Variants in NRP1 observed in about 807,000 individuals in gnomAD.
NRP1 encodes the protein neuropilin-1.
In NRP1, 35 loss-of-function variants were observed where a neutral mutation model predicts 106.7. That is an observed-to-expected ratio of 0.33 (90% CI 0.25 to 0.43). The LOEUF (loss-of-function observed/expected upper bound fraction) is 0.43. Among genes scored for constraint, NRP1 ranks in the 20% least tolerant of loss-of-function variants. NRP1 has a pLI of 1.00. For missense variants in NRP1, 1,024 were observed against 1,170.4 expected (o/e 0.87, Z 1.83); for synonymous variants, 437 against 417.9 (o/e 1.05, Z -0.56).
intron 2 of NRP1, among the ~76,000 whole-genome samples, chr10:33,280,983 A>G (rs1218559280): frequency 1.3e-5 from 2 of 151,850 alleles, no homozygotes; most frequent in East Asian, 3.9e-4. Flanking sequence ...AAGAAAAAAA[A>G]AAAAGACAAG....
chr10:33,334,414 G>A lies in NRP1; in HGVS notation c.-32C>T. 6.5e-7 allele frequency: 1 copy of A among 1,529,600 alleles called. No individual in the cohort carries two copies. Among genetic ancestry groups the A allele is most frequent in the Non-Finnish European group, 8.8e-7 (1 of 1,135,900 alleles). The allele number at this position is 1,529,600 out of a possible 1,614,324, so 94.8% of individuals were successfully genotyped here. On this transcript the variant is annotated 5_prime_UTR_variant, in exon 1 of 17. Transcript: ENST00000374867. ...TTCTCCGGGTCCGCAGGCAGACGCGGGAGAACGAGGACGTGGGGGGAAATG... is the reference window on the plus strand; with the variant it reads ...TTCTCCGGGTCCGCAGGCAGACGCGAGAGAACGAGGACGTGGGGGGAAATG...
chr10:33,263,829 T>C lies in NRP1; in HGVS notation c.475A>G (p.Lys159Glu), dbSNP rs777846803. The stretch of plus-strand genomic sequence containing the variant: ...TATTTTTCAGGGAATCCGGGGGACT[T>C]TATCACTCCACTAGGTGTTGTGTAG... ...QNYTTPSGVI[K>E]SPGFPEKYPN... Residue 159 changes from lysine (K) to glutamate (E), a missense_variant, in exon 4 of 17, where the codon AAG becomes GAG. Around this residue, in one of 5 missense-constraint regions of NRP1, gnomAD observed 279 missense variants for 327.4 expected, o/e 0.85. Coordinates refer to ENST00000374867, the MANE Select transcript of NRP1 (RefSeq NM_003873.7). 14 of 1,613,714 alleles carry C rather than the reference T, an allele frequency of 8.7e-6. No individual in the cohort carries two copies. In the East Asian group the frequency reaches 3.1e-4, roughly 36 times the overall value.
intron 2 of NRP1, among the ~76,000 whole-genome samples, chr10:33,273,142 T>G (rs964958673): frequency 6.6e-6 from 1 of 151,752 alleles, no homozygotes; most frequent in African/African-American, 2.4e-5. Context: ...AAGAAATAAG[T>G]CATTGCACAG....
At chr10:33,224,787 T>C (rs1414251584) in intron 7 of NRP1, among the ~76,000 whole-genome samples, 1 of 152,150 alleles carries the variant, frequency 6.6e-6, no homozygotes, top group Admixed American at 6.5e-5. Flanking sequence ...TTCTCATCAT[T>C]CAGCTCCCAG....
At chr10:33,272,416 A>G (rs773892264) in intron 2 of NRP1, among the ~76,000 whole-genome samples, 36 of 152,180 alleles carry the variant, frequency 2.4e-4, no homozygotes, top group Non-Finnish European at 1.2e-4. Flanking sequence ...AAAACTGTGG[A>G]AATACACAGA....
chr10:33,195,319 A>G (rs572288349), intron 12 of NRP1: 86 of 354,246 alleles, frequency 2.4e-4, no homozygotes, highest in African/African-American at 1.8e-3. Context: ...AGAGGGTTAG[A>G]GCTCTCGCCA....
At position 33,186,330 on chromosome 10, in the gene NRP1, G is replaced by A. The variant is rs944958142; in HGVS notation, c.2221C>T (p.Arg741Cys). 5.0e-6 allele frequency: 8 copies of A among 1,614,136 alleles called. No homozygotes were observed. Among genetic ancestry groups the A allele is most frequent in the Middle Eastern group, 1.6e-4 (1 of 6,062 alleles). ...TCGTACTCCTCTGGCTTCTGGTAGCGCAGTTTGACCCTGAGTGTGCCGACG... is the reference window on the plus strand; with the variant it reads ...TCGTACTCCTCTGGCTTCTGGTAGCACAGTTTGACCCTGAGTGTGCCGACG... ...SHVGTLRVKL[R>C]YQKPEEYDQL... The change falls in exon 14 of 17, where the codon CGC (arginine) becomes TGC (cysteine). Residue 741 changes from arginine to cysteine, a missense_variant. Physicochemically the swap from Arg to Cys is radical, Grantham distance 180 (BLOSUM62 -3). This residue lies in a region of NRP1 where 562 missense variants were observed against 620.3 expected (regional missense o/e 0.91). Transcript: ENST00000374867.
In NRP1 at chr10:33,180,440, G is replaced by C. The variant is rs887593592; in HGVS notation, c.2483-75C>G. On this transcript the variant is annotated intron_variant, in intron 16 of 16. Coordinates refer to ENST00000374867, the MANE Select transcript of NRP1 (RefSeq NM_003873.7). ...TGAAAGCAGACAGAAAAATAGAAAG[G>C]AACGAAACAGGAGCAAATCACACAC... 2.8e-6 allele frequency: 4 copies of C among 1,424,630 alleles called. No homozygotes were observed. The African/African-American group carries it at 5.7e-5, about 20-fold the overall frequency. The allele number at this position is 1,424,630 out of a possible 1,614,324, so 88.2% of individuals were successfully genotyped here.
chr10:33,304,957 A>T (rs1846044865), intron 2 of NRP1, among the ~76,000 whole-genome samples: 1 of 152,280 alleles, frequency 6.6e-6, no homozygotes, highest in Admixed American at 6.5e-5. Flanking sequence ...TAATGTAAAC[A>T]GTCCAATCGA....
chr10:33,271,001 G>GA (rs889558196), intron 2 of NRP1, 145 bp from the exon 3 acceptor site: 25 of 589,340 alleles, frequency 4.2e-5, no homozygotes, highest in Admixed American at 7.2e-5. Flanking sequence ...TAAATGGAGG[G>GA]AAAAAAAAGT....
chr10:33,206,324 A>G, intron 10 of NRP1: 2 of 519,030 alleles, frequency 3.9e-6, no homozygotes, highest in South Asian at 2.8e-5. Context: ...GCCCTGGCAC[A>G]TGGACATTCT....
At chr10:33,252,653 C>A (rs1471632944) in intron 6 of NRP1, among the ~76,000 whole-genome samples, 1 of 152,054 alleles carries the variant, frequency 6.6e-6, no homozygotes, top group Non-Finnish European at 1.5e-5. Context: ...AAGCTTCCCC[C>A]GAGAGGCACA....
chr10:33,259,384 A>G (rs1396563521), intron 4 of NRP1, among the ~76,000 whole-genome samples: 1 of 152,210 alleles, frequency 6.6e-6, no homozygotes, highest in Non-Finnish European at 1.5e-5. Flanking sequence ...AACAACAGCG[A>G]GACCTTAGCC....
chr10:33,315,786 G>C (rs1846986620), intron 2 of NRP1, among the ~76,000 whole-genome samples: 1 of 152,184 alleles, frequency 6.6e-6, no homozygotes, highest in South Asian at 2.1e-4. Flanking sequence ...CATCATTTCA[G>C]GTAGAACTAG....
chr10:33,278,608 T>C (rs1222927268), intron 2 of NRP1, among the ~76,000 whole-genome samples: 1 of 152,198 alleles, frequency 6.6e-6, no homozygotes, highest in African/African-American at 2.4e-5. Context: ...AAATCCCACA[T>C]AGTGTTACCC....
At chr10:33,325,791 A>T (rs931435232) in intron 2 of NRP1, among the ~76,000 whole-genome samples, 1 of 152,220 alleles carries the variant, frequency 6.6e-6, no homozygotes, top group Non-Finnish European at 1.5e-5. Context: ...TCTTCCTTTG[A>T]ACGCACTGAG....
chr10:33,213,191 A>G, intron 9 of NRP1, 195 bp downstream of exon 9: 1 of 1,440,906 alleles, frequency 6.9e-7, no homozygotes, highest in Non-Finnish European at 9.4e-7. Flanking sequence ...ATTCTTTTGC[A>G]TGTTATCTCA....
Position 33,295,864 on chromosome 10 carries a change from T to C in NRP1, c.249-25008A>G, listed in dbSNP as rs79097339. On this transcript the variant is annotated intron_variant, in intron 2 of 16. Transcript: ENST00000374867. ...TGATGGCTAAAAGGGCTGCCTATTA[T>C]GCTAAAACTCAAGGAAATTAAGTTA... 7.3e-3 allele frequency among the ~76,000 whole-genome samples: 1,114 copies of C among 152,316 alleles called. 7 individuals carry two copies. Among genetic ancestry groups the C allele is most frequent in the African/African-American group, 0.026 (1,069 of 41,574 alleles).
intron 3 of NRP1, among the ~76,000 whole-genome samples, chr10:33,266,893 A>G (rs1001641517): frequency 8.5e-5 from 13 of 152,130 alleles, no homozygotes; most frequent in Non-Finnish European, 1.9e-4. Flanking sequence ...TTAGCCGGGC[A>G]TAGTGGCGGG....
Sources: gnomAD v4.1 joint callset for allele counts (sites outside exome capture counted in the v4.1 genomes callset) on GRCh38, gnomAD v4.1.1 for gene constraint, gnomAD v4.1.1 regional missense constraint, MANE v1.5 for transcripts, NCBI Gene and HGNC (gene_info 2026-07-23, HGNC 2026-07-21) for gene names.